PDGFD: variants seen among roughly 807,000 people sequenced by gnomAD.
The protein encoded by PDGFD is platelet-derived growth factor D.
In PDGFD, 30 loss-of-function variants were observed where a neutral mutation model predicts 44.7. That is an observed-to-expected ratio of 0.67 (90% CI 0.50 to 0.91). PDGFD has a LOEUF of 0.91. PDGFD is among the 40% of genes least tolerant of loss of function. The pLI, the probability that PDGFD is intolerant of heterozygous loss-of-function variation, is 0.00. For missense variants in PDGFD, 445 were observed against 457.8 expected, an observed-to-expected ratio of 0.97 and a Z score of 0.25; for synonymous variants, 173 against 168.4, an observed-to-expected ratio of 1.03 and a Z score of -0.21.
intron 1 of PDGFD, among the ~76,000 whole-genome samples, chr11:104,147,392 T>C (rs1266297306): frequency 6.6e-6 from 1 of 152,194 alleles, no homozygotes. Context: ...AAACATAGGA[T>C]ACCCTTACAA....
intron 1 of PDGFD, among the ~76,000 whole-genome samples, chr11:104,096,157 T>C (rs1037531012): frequency 7.2e-5 from 11 of 152,160 alleles, no homozygotes; most frequent in African/African-American, 2.7e-4. Flanking sequence ...AAAATATCAA[T>C]TGAAGTTTAT....
intron 4 of PDGFD, among the ~76,000 whole-genome samples, chr11:103,944,062 C>T (rs966474538): frequency 1.3e-5 from 2 of 152,168 alleles, no homozygotes; most frequent in Non-Finnish European, 2.9e-5. Flanking sequence ...TAATTCCACT[C>T]TCCCACTGTT....
intron 1 of PDGFD, among the ~76,000 whole-genome samples, chr11:104,103,460 GTGTATATA>G (rs1165149118): frequency 2.8e-4 from 17 of 61,478 alleles, no homozygotes; most frequent in East Asian, 8.9e-4. Flanking sequence ...GTGTGTGTGT[GTGTATATA>G]TATATATATA....
At chr11:103,939,017 AG>A (rs1441974054) in intron 5 of PDGFD, among the ~76,000 whole-genome samples, 6 of 152,308 alleles carry the variant, frequency 3.9e-5, no homozygotes, top group South Asian at 4.1e-4. Flanking sequence ...CTTTTGGCTT[AG>A]GATTGACTTG....
chr11:104,022,883 T>TA (rs1565312799), intron 1 of PDGFD, among the ~76,000 whole-genome samples: 1 of 152,100 alleles, frequency 6.6e-6, no homozygotes, highest in African/African-American at 2.4e-5. Flanking sequence ...TCCTGAACAC[T>TA]ATGTAGGTAG....
At chr11:104,051,306 A>G (rs192658317) in intron 1 of PDGFD, among the ~76,000 whole-genome samples, 89 of 152,294 alleles carry the variant, frequency 5.8e-4, no homozygotes, top group Non-Finnish European at 7.4e-5. Flanking sequence ...CCCAACATGA[A>G]CTGAAAATTA....
At chr11:103,911,539 C>T (rs1177690304) in intron 6 of PDGFD, among the ~76,000 whole-genome samples, 3 of 152,104 alleles carry the variant, frequency 2.0e-5, no homozygotes, top group Non-Finnish European at 4.4e-5. Context: ...TGCAGAAACA[C>T]TGAAAATTCC....
intron 1 of PDGFD, among the ~76,000 whole-genome samples, chr11:104,049,260 T>C (rs1860488804): frequency 6.6e-6 from 1 of 152,124 alleles, no homozygotes; most frequent in South Asian, 2.1e-4. Flanking sequence ...GGAAGAGATA[T>C]TTGAGGAAGA....
At chr11:104,153,546 T>C (rs1306300266) in intron 1 of PDGFD, among the ~76,000 whole-genome samples, 1 of 151,784 alleles carries the variant, frequency 6.6e-6, no homozygotes, top group Non-Finnish European at 1.5e-5. Context: ...AATTCCTCTA[T>C]CTAAAATGTG....
chr11:104,037,228 G>A (rs7102675), intron 1 of PDGFD: 175,126 of 1,613,564 alleles, frequency 0.11, 10,194 homozygotes, highest in Middle Eastern at 0.14. Flanking sequence ...GAAGGTGGCC[G>A]GCCTGCAAGG....
intron 1 of PDGFD, among the ~76,000 whole-genome samples, chr11:104,016,352 AG>A (rs1323289137): frequency 6.6e-6 from 1 of 151,240 alleles, no homozygotes; most frequent in African/African-American, 2.5e-5. Flanking sequence ...TCAAGGCCAA[AG>A]AAAAGGCCTT....
chr11:104,157,062 C>A (rs1426848871), intron 1 of PDGFD, among the ~76,000 whole-genome samples: 1 of 152,174 alleles, frequency 6.6e-6, no homozygotes, highest in Non-Finnish European at 1.5e-5. Flanking sequence ...TTTGAAAAAA[C>A]TTAAAGTGTT....
chr11:104,060,773 A>G (rs952673198), intron 1 of PDGFD, among the ~76,000 whole-genome samples: 2 of 152,218 alleles, frequency 1.3e-5, no homozygotes, highest in Non-Finnish European at 2.9e-5. Flanking sequence ...TTGAAATACC[A>G]CATAACTCAT....
intron 6 of PDGFD, among the ~76,000 whole-genome samples, chr11:103,914,810 T>G (rs1858092147): frequency 6.6e-6 from 1 of 152,186 alleles, no homozygotes; most frequent in Non-Finnish European, 1.5e-5. Context: ...AATCAATAAA[T>G]GTAGGCCATC....
chr11:103,934,463 G>A (rs769734120), intron 5 of PDGFD, among the ~76,000 whole-genome samples: 7 of 152,276 alleles, frequency 4.6e-5, no homozygotes, highest in East Asian at 1.9e-4. Context: ...TACATCAGAC[G>A]TAACACTATC....
At chr11:103,991,707 T>C (rs1235063934) in intron 3 of PDGFD, among the ~76,000 whole-genome samples, 2 of 152,234 alleles carry the variant, frequency 1.3e-5, no homozygotes, top group Non-Finnish European at 2.9e-5. Flanking sequence ...TTACCTGATA[T>C]ATTAATAATA....
intron 1 of PDGFD, among the ~76,000 whole-genome samples, chr11:104,054,399 T>C (rs536580740): frequency 1.3e-5 from 2 of 152,200 alleles, no homozygotes; most frequent in Admixed American, 1.3e-4. Flanking sequence ...CCTCCCTAAA[T>C]ATACGACAAT....
intron 3 of PDGFD, among the ~76,000 whole-genome samples, chr11:103,972,138 C>T (rs1859114176): frequency 1.3e-5 from 2 of 152,124 alleles, no homozygotes; most frequent in Admixed American, 6.6e-5. Context: ...GTACAAATCG[C>T]TTAGAGGAGG....
At chr11:104,141,992 G>T (rs1862092410) in intron 1 of PDGFD, among the ~76,000 whole-genome samples, 1 of 152,046 alleles carries the variant, frequency 6.6e-6, no homozygotes, top group Admixed American at 6.6e-5. Context: ...ATTTCCAATT[G>T]CACCAAAGGA....
Sources: gnomAD v4.1 joint callset for allele counts (sites outside exome capture counted in the v4.1 genomes callset) on GRCh38, gnomAD v4.1.1 for gene constraint, MANE v1.5 for transcripts, NCBI Gene and HGNC (gene_info 2026-07-23, HGNC 2026-07-21) for gene names.